Variants in KYNU observed in about 807,000 individuals in gnomAD.
KYNU encodes the protein L-kynurenine hydrolase.
Under a neutral mutation model 59.2 loss-of-function variants are expected in KYNU, and 54 were observed. That is an observed-to-expected ratio of 0.91 (90% CI 0.73 to 1.14). The LOEUF (loss-of-function observed/expected upper bound fraction) is 1.14. Among genes scored for constraint, KYNU ranks in the 50% most tolerant of loss-of-function variants. The pLI, the probability that KYNU is intolerant of heterozygous loss-of-function variation, is 0.00. For synonymous variants in KYNU, 177 were observed against 192.0 expected (o/e 0.92, Z 0.65); for missense variants, 567 against 554.4 (o/e 1.02, Z -0.23).
intron 1 of KYNU, among the ~76,000 whole-genome samples, chr2:142,882,591 G>C (rs1249253507): frequency 1.3e-5 from 2 of 152,000 alleles, no homozygotes; most frequent in Admixed American, 6.6e-5. Flanking sequence ...TTGGTTTTCT[G>C]TCCTTGCGAT....
intron 4 of KYNU, among the ~76,000 whole-genome samples, chr2:142,941,684 A>G (rs563095147): frequency 2.6e-5 from 4 of 152,296 alleles, no homozygotes; most frequent in Non-Finnish European, 5.9e-5. Context: ...GAGATTTGCC[A>G]TGCTGAATGG....
chr2:142,929,342 G>C (rs1230727604), intron 4 of KYNU, among the ~76,000 whole-genome samples: 1 of 135,784 alleles, frequency 7.4e-6, no homozygotes, highest in Admixed American at 7.9e-5. Context: ...TGATAGACAA[G>C]TGGTAATTGC....
At chr2:143,000,503 A>G (rs1685680452) in intron 10 of KYNU, among the ~76,000 whole-genome samples, 1 of 152,248 alleles carries the variant, frequency 6.6e-6, no homozygotes, top group Non-Finnish European at 1.5e-5. Flanking sequence ...TGTGAATCAC[A>G]GAATTGCAAT....
chr2:142,988,763 G>A (rs1381807133), intron 10 of KYNU: 10 of 946,670 alleles, frequency 1.1e-5, no homozygotes, highest in Non-Finnish European at 1.6e-5. Flanking sequence ...TGATGTCAGT[G>A]ACTGATCTCA....
intron 2 of KYNU, among the ~76,000 whole-genome samples, chr2:142,896,878 C>G (rs1681896647): frequency 6.6e-6 from 1 of 152,148 alleles, no homozygotes; most frequent in Non-Finnish European, 1.5e-5. Context: ...TCTTTTTATT[C>G]TCTTATTAGC....
At chr2:142,896,661 C>A (rs1194547104) in intron 2 of KYNU, among the ~76,000 whole-genome samples, 1 of 152,038 alleles carries the variant, frequency 6.6e-6, no homozygotes, top group Admixed American at 6.6e-5. Flanking sequence ...AAATCTCCTG[C>A]TAATTTTAAC....
intron 10 of KYNU, among the ~76,000 whole-genome samples, chr2:143,010,993 T>A (rs28872895): frequency 7.5e-6 from 1 of 133,438 alleles, no homozygotes; most frequent in Non-Finnish European, 1.6e-5. Context: ...ATTCAGGACA[T>A]AGGCATGGGC....
chr2:142,902,707 G>A (rs1232027908), intron 2 of KYNU, among the ~76,000 whole-genome samples: 1 of 152,214 alleles, frequency 6.6e-6, no homozygotes, highest in Non-Finnish European at 1.5e-5. Flanking sequence ...AAGCGCTTGG[G>A]TGGCTTGATG....
chr2:143,040,502 C>A lies in KYNU; in HGVS notation c.1116C>A (p.Ile372=), dbSNP rs1687012932. The A allele has an allele frequency of 6.2e-7, 1 of 1,613,164 alleles. No homozygotes were observed. The highest frequency in any genetic ancestry group is 1.3e-5 in the African/African-American group (1 of 74,856). ...TAACTGGCTATCTGGAATACCTGATCAAGCATAACTATGGCAAAGATAAAG... is the reference window on the plus strand; with the variant it reads ...TAACTGGCTATCTGGAATACCTGATAAAGCATAACTATGGCAAAGATAAAG... ...VLLTGYLEYL[I]KHNYGKDKAA... is the part of the protein sequence containing the mutation. Residue 372 remains isoleucine (I), a synonymous_variant, in exon 13 of 14, where the codon ATC becomes ATA. Transcript: ENST00000264170.
In KYNU at chr2:143,010,513, T is replaced by G. The variant is rs961650918; in HGVS notation, c.903-19114T>G. 2.1e-4 allele frequency among the ~76,000 whole-genome samples: 26 copies of G among 125,556 alleles called. 2 individuals carry two copies. The highest frequency in any genetic ancestry group is 4.0e-4 in the Non-Finnish European group (25 of 62,392). 82.4% of individuals were successfully genotyped at this position (125,556 alleles called of 152,430 possible). On this transcript the variant is annotated intron_variant, in intron 10 of 13. Transcript: ENST00000264170. ...AAGGTAATTTACAGATTCAATGCCA[T>G]CCCCATCAAGCTACTAATGACTTTC...
At chr2:142,947,033 G>T in intron 4 of KYNU, 1 of 1,546,718 alleles carries the variant, frequency 6.5e-7, no homozygotes, top group South Asian at 1.2e-5. Context: ...TTTGTGGGCT[G>T]ATTCTCACCT....
intron 1 of KYNU, among the ~76,000 whole-genome samples, chr2:142,885,014 G>T (rs183419903): frequency 3.8e-5 from 5 of 132,788 alleles, no homozygotes; most frequent in African/African-American, 1.4e-4. Flanking sequence ...CGAGGTGGGC[G>T]GATCACTTGA....
intron 2 of KYNU, among the ~76,000 whole-genome samples, chr2:142,887,968 G>A (rs1681573172): frequency 6.6e-6 from 1 of 152,110 alleles, no homozygotes; most frequent in South Asian, 2.1e-4. Context: ...GAGAAAAGCA[G>A]CATTGTACAT....
rs1042961580 is a variant in KYNU, at chr2:142,909,028, C to T, written c.170-9581C>T. Among the ~76,000 whole-genome samples, 6 of 152,278 alleles carry T rather than the reference C, an allele frequency of 3.9e-5. No individual in the cohort carries two copies. In the East Asian group the frequency reaches 1.2e-3, roughly 29 times the overall value. On this transcript the variant is annotated intron_variant, in intron 2 of 13. Coordinates refer to ENST00000264170, the MANE Select transcript of KYNU (RefSeq NM_003937.3). ...AAGTAACATATCAATATATGTATGA[C>T]ATTAACATTAATGGCAGTTTGTCTC...
At chr2:142,898,677 G>A (rs1189889341) in intron 2 of KYNU, among the ~76,000 whole-genome samples, 5 of 152,050 alleles carry the variant, frequency 3.3e-5, no homozygotes, top group Admixed American at 6.5e-5. Context: ...GAATACTGAC[G>A]CTCTTACCTG....
intron 4 of KYNU, among the ~76,000 whole-genome samples, chr2:142,935,154 G>A (rs1487942834): frequency 6.6e-6 from 1 of 152,174 alleles, no homozygotes; most frequent in Non-Finnish European, 1.5e-5. Context: ...TATTGGGGGT[G>A]GACTGGGAGG....
At chr2:142,922,819 T>A (rs1682925489) in intron 3 of KYNU, among the ~76,000 whole-genome samples, 1 of 152,222 alleles carries the variant, frequency 6.6e-6, no homozygotes, top group South Asian at 2.1e-4. Context: ...TATTTTAGGA[T>A]CTGTCTTGGT....
intron 8 of KYNU, chr2:142,971,247 G>A (rs766258737): frequency 2.6e-5 from 4 of 152,100 alleles, no homozygotes; most frequent in Non-Finnish European, 5.9e-5. Flanking sequence ...TTTACCCACT[G>A]AGCCCACCAT....
chr2:143,010,698 T>G (rs200728286), intron 10 of KYNU, among the ~76,000 whole-genome samples: 13 of 147,864 alleles, frequency 8.8e-5, no homozygotes, highest in Admixed American at 2.7e-4. Flanking sequence ...AGCATGGTAC[T>G]GGTACCAAAA....
Sources: gnomAD v4.1 joint callset for allele counts (sites outside exome capture counted in the v4.1 genomes callset) on GRCh38, gnomAD v4.1.1 for gene constraint, MANE v1.5 for transcripts, NCBI Gene and HGNC (gene_info 2026-07-23, HGNC 2026-07-21) for gene names.